The following THOC2 variants were observed in gnomAD, a reference collection of about 807,000 sequenced individuals.
The protein encoded by THOC2 is THO complex 2.
THOC2 carries 10 observed loss-of-function variants against 128.4 expected under a neutral mutation model. The observed-to-expected ratio is 0.08, with a 90% CI of 0.05 to 0.13. The LOEUF is 0.13. Ranked by LOEUF, THOC2 falls within the 10% of genes least tolerant of loss-of-function variation. THOC2 has a pLI of 1.00. For missense variants in THOC2, 535 were observed against 1,155.7 expected, an observed-to-expected ratio of 0.46 and a Z score of 7.79; for synonymous variants, 393 against 396.9, an observed-to-expected ratio of 0.99 and a Z score of 0.12.
At chrX:123,730,716 G>A (rs2052208352) in intron 1 of THOC2, among the ~76,000 whole-genome samples, 1 of 111,642 alleles carries the variant, frequency 9.0e-6, no homozygotes, top group African/African-American at 3.3e-5. Context: ...AGGCCGAGGT[G>A]GGCGGATCAC....
At chrX:123,710,763 G>A (rs1360471181) in intron 2 of THOC2, among the ~76,000 whole-genome samples, 1 of 109,125 alleles carries the variant, frequency 9.2e-6, no homozygotes, top group Non-Finnish European at 1.9e-5. Context: ...GCTAAGGTGT[G>A]CGAATCGCCT....
Position 123,627,786 on chromosome X carries a change from T to C in THOC2, c.2664A>G (p.Thr888=). 8.3e-7 allele frequency: 1 copy of C among 1,211,037 alleles called. No individual in the cohort carries two copies. The highest frequency in any genetic ancestry group is 1.8e-5 in the South Asian group (1 of 56,966). The change falls in exon 23 of 39, where the codon ACA becomes ACG. Residue 888 remains threonine (T), a synonymous_variant. Coordinates refer to ENST00000245838, the MANE Select transcript of THOC2 (RefSeq NM_001081550.2). ...PQFYATFWSL[T]MYDLAVPHTS... is the part of the protein sequence containing the mutation. ...TGTGTGGAACTGCAAGGTCATACAT[T>C]GTCAATGACCAGAATGTAGCATAGA...
At chrX:123,695,749 C>T (rs763928249) in intron 7 of THOC2, among the ~76,000 whole-genome samples, 10 of 111,505 alleles carry the variant, frequency 9.0e-5, no homozygotes, top group Non-Finnish European at 1.3e-4. Flanking sequence ...TGGCTTACCA[C>T]TCAGGATCCC....
intron 4 of THOC2, 72 bp from the exon 5 acceptor site, chrX:123,697,823 T>C: frequency 2.1e-6 from 1 of 475,459 alleles, no homozygotes; most frequent in Non-Finnish European, 3.5e-6. Flanking sequence ...AGATACTTAT[T>C]TTATTTGAAA....
intron 1 of THOC2, among the ~76,000 whole-genome samples, chrX:123,731,304 A>G (rs2052240101): frequency 9.0e-6 from 1 of 111,712 alleles, no homozygotes; most frequent in Admixed American, 9.5e-5. Context: ...CATTCTAAGC[A>G]TAGGCTGGGG....
chrX:123,649,906 C>A (rs769768648), intron 12 of THOC2, among the ~76,000 whole-genome samples: 1 of 111,683 alleles, frequency 9.0e-6, no homozygotes, highest in Non-Finnish European at 1.9e-5. Flanking sequence ...AGGAAAACTT[C>A]TCCAATCTAG....
intron 1 of THOC2, among the ~76,000 whole-genome samples, chrX:123,714,694 C>T (rs748886665): frequency 5.9e-4 from 66 of 112,152 alleles, no homozygotes; most frequent in Non-Finnish European, 4.1e-4. Flanking sequence ...CACACACAAA[C>T]CTTTTTCCAG....
Position 123,717,299 on chromosome X carries a change from A to C in THOC2, c.72-4391T>G, listed in dbSNP as rs773071383. 3.6e-5 allele frequency among the ~76,000 whole-genome samples: 4 copies of C among 112,009 alleles called. No individual in the cohort carries two copies. In the South Asian group the frequency reaches 1.5e-3, roughly 41 times the overall value. ...GGTAAAATCACAGGATATAAAAATC[A>C]ACACACAAAAATAGGTAGTGTTTCT... On this transcript the variant is annotated intron_variant, in intron 1 of 38. Transcript: ENST00000245838.
chrX:123,663,072 C>T lies in THOC2; in HGVS notation c.1386+2570G>A, dbSNP rs568811913. Among the ~76,000 whole-genome samples, 27 of 112,004 alleles carry T rather than the reference C, an allele frequency of 2.4e-4. No homozygotes were observed. In the South Asian group the frequency reaches 9.7e-3, roughly 40 times the overall value. On this transcript the variant is annotated intron_variant, in intron 12 of 38. Transcript: ENST00000245838. ...AATTTCTTATGAAATTAAACATATA[C>T]TTACTCATATGACCCATCAATCCCA...
intron 22 of THOC2, among the ~76,000 whole-genome samples, chrX:123,629,460 C>A (rs1278834430): frequency 9.0e-6 from 1 of 110,669 alleles, no homozygotes; most frequent in Non-Finnish European, 1.9e-5. Flanking sequence ...ACGAGATGAT[C>A]AAAGGTTCTG....
chrX:123,691,009 C>T (rs767112547), intron 7 of THOC2, among the ~76,000 whole-genome samples: 16 of 111,509 alleles, frequency 1.4e-4, no homozygotes, highest in Non-Finnish European at 2.6e-4. Flanking sequence ...CTCAGGAGTT[C>T]GAGACCTGCC....
intron 12 of THOC2, among the ~76,000 whole-genome samples, chrX:123,656,464 T>C (rs1426915318): frequency 4.5e-5 from 5 of 110,840 alleles, no homozygotes; most frequent in Admixed American, 3.8e-4. Flanking sequence ...ATCTCAGCAC[T>C]GTGGGAGGCC....
At chrX:123,728,785 A>G (rs142239995) in intron 1 of THOC2, among the ~76,000 whole-genome samples, 2,038 of 112,560 alleles carry the variant, frequency 0.018, 48 homozygotes, top group African/African-American at 0.062. Context: ...ACCATTAATA[A>G]GGTAAGACCT....
intron 23 of THOC2, among the ~76,000 whole-genome samples, chrX:123,627,222 T>C (rs1409654031): frequency 8.9e-6 from 1 of 112,015 alleles, no homozygotes; most frequent in African/African-American, 3.2e-5. Flanking sequence ...ACTAAGTACA[T>C]TCACTACATG....
intron 7 of THOC2, among the ~76,000 whole-genome samples, chrX:123,695,567 G>A (rs1165252591): frequency 8.9e-6 from 1 of 112,152 alleles, no homozygotes; most frequent in Non-Finnish European, 1.9e-5. Flanking sequence ...TTACACATCT[G>A]TAGTTTCAAA....
intron 30 of THOC2, among the ~76,000 whole-genome samples, chrX:123,622,045 G>A (rs927185922): frequency 8.1e-5 from 9 of 111,198 alleles, no homozygotes; most frequent in Non-Finnish European, 1.3e-4. Context: ...ACTCCTTCTC[G>A]AAAAAAGGAA....
chrX:123,648,844 C>T (rs2048240747), intron 12 of THOC2, among the ~76,000 whole-genome samples: 1 of 112,029 alleles, frequency 8.9e-6, no homozygotes, highest in South Asian at 3.7e-4. Flanking sequence ...ACTCCCAACA[C>T]CCTAGGACAG....
chrX:123,667,420 G>A (rs1018043599), intron 10 of THOC2, 142 bp from the exon 11 acceptor site: 1 of 436,007 alleles, frequency 2.3e-6, no homozygotes, highest in Non-Finnish European at 3.8e-6. Context: ...ATTCCTGCAA[G>A]TACAATCAAA....
intron 25 of THOC2, among the ~76,000 whole-genome samples, chrX:123,625,186 G>A (rs1259806554): frequency 1.8e-5 from 2 of 111,354 alleles, no homozygotes; most frequent in Non-Finnish European, 3.8e-5. Context: ...CCGCGTCTCA[G>A]GTTCACACCA....
Sources: gnomAD v4.1 joint callset for allele counts (sites outside exome capture counted in the v4.1 genomes callset) on GRCh38, gnomAD v4.1.1 for gene constraint, MANE v1.5 for transcripts, NCBI Gene and HGNC (gene_info 2026-07-23, HGNC 2026-07-21) for gene names.